Variants in IRAK2 observed in about 807,000 individuals in gnomAD.
IRAK2 encodes interleukin 1 receptor associated kinase 2, also known as interleukin-1 receptor-associated kinase-like 2.
A neutral mutation model predicts 72.0 loss-of-function variants in IRAK2; 57 were observed. The ratio of observed to expected loss-of-function variants is 0.79; its 90% CI spans 0.64 to 0.99. The LOEUF (loss-of-function observed/expected upper bound fraction) is 0.99. IRAK2 is among the 50% of genes least tolerant of loss of function. The pLI, the probability that IRAK2 is intolerant of heterozygous loss-of-function variation, is 0.00. For synonymous variants in IRAK2, 293 were observed against 312.7 expected (o/e 0.94, Z 0.67); for missense variants, 790 against 794.4 (o/e 0.99, Z 0.07).
chr3:10,179,831 A>G (rs534704011), intron 2 of IRAK2, among the ~76,000 whole-genome samples: 1 of 152,234 alleles, frequency 6.6e-6, no homozygotes, highest in South Asian at 2.1e-4. Flanking sequence ...TGGCCTCCCA[A>G]AGTGCTGGGA....
intron 9 of IRAK2, among the ~76,000 whole-genome samples, chr3:10,226,013 T>A (rs1367946237): frequency 6.6e-6 from 1 of 152,212 alleles, no homozygotes; most frequent in African/African-American, 2.4e-5. Context: ...GAAGGATTTT[T>A]AAATGAAACA....
At chr3:10,217,970 A>G (rs973494829) in intron 7 of IRAK2, among the ~76,000 whole-genome samples, 5 of 152,210 alleles carry the variant, frequency 3.3e-5, no homozygotes, top group Non-Finnish European at 7.3e-5. Context: ...TGACACATAG[A>G]GACAAAGTGA....
chr3:10,193,581 C>T (rs1299996556), intron 2 of IRAK2, among the ~76,000 whole-genome samples: 1 of 152,172 alleles, frequency 6.6e-6, no homozygotes, highest in Non-Finnish European at 1.5e-5. Context: ...TATGGTTGCA[C>T]CAGTGCACTC....
intron 6 of IRAK2, 41 bp from the exon 7 acceptor site, chr3:10,216,893 T>G (rs745312099): frequency 6.9e-7 from 1 of 1,451,754 alleles, no homozygotes; most frequent in Non-Finnish European, 9.7e-7. Context: ...GATCATTCTT[T>G]CCGTCTGACT....
At chr3:10,202,496 A>G (rs1697377516) in intron 3 of IRAK2, among the ~76,000 whole-genome samples, 1 of 152,038 alleles carries the variant, frequency 6.6e-6, no homozygotes. Flanking sequence ...GGTGGCGGGT[A>G]CATGTAGTCC....
intron 2 of IRAK2, among the ~76,000 whole-genome samples, chr3:10,181,269 T>C (rs1030985100): frequency 1.3e-5 from 2 of 151,808 alleles, no homozygotes; most frequent in Non-Finnish European, 2.9e-5. Context: ...ACATTCCCCC[T>C]GCGAAAGTTG....
At chr3:10,190,463 T>G (rs569706602) in intron 2 of IRAK2, among the ~76,000 whole-genome samples, 129 of 151,796 alleles carry the variant, frequency 8.5e-4, no homozygotes, top group Non-Finnish European at 1.7e-3. Flanking sequence ...TTCTTAAAGT[T>G]AATTGCTGAG....
At chr3:10,190,604 G>A (rs1054710444) in intron 2 of IRAK2, among the ~76,000 whole-genome samples, 5 of 152,146 alleles carry the variant, frequency 3.3e-5, no homozygotes, top group Admixed American at 2.0e-4. Context: ...ATGCCTCTAA[G>A]CCAGTCCCCA....
Position 10,213,004 on chromosome 3 carries a change from G to A in IRAK2, c.529-203G>A, listed in dbSNP as rs182216254. Among the ~76,000 whole-genome samples the A allele has an allele frequency of 5.4e-3, 823 of 152,044 alleles. 10 individuals carry two copies. Among genetic ancestry groups the A allele is most frequent in the African/African-American group, 0.019 (781 of 41,480 alleles). On this transcript the variant is annotated intron_variant, in intron 4 of 12. Transcript: ENST00000256458. ...AGGATGGTCTTGATCTCCTGACCTC[G>A]TGATCCGCCCGCCTCGGCCTCCCAA...
At chr3:10,190,217 T>C (rs1276992549) in intron 2 of IRAK2, among the ~76,000 whole-genome samples, 1 of 147,942 alleles carries the variant, frequency 6.8e-6, no homozygotes. Context: ...CATTGCCCTA[T>C]CTACTTTTCT....
At position 10,243,292 on chromosome 3, in the gene IRAK2, C is replaced by T. The variant is rs1237163945; in HGVS notation, c.*1064C>T. ...TCGTGATCTGCCCGCCTTGGCCTATCAAAGTGTTGGGATTACAGGCTTGAG... is the reference window on the plus strand; with the variant it reads ...TCGTGATCTGCCCGCCTTGGCCTATTAAAGTGTTGGGATTACAGGCTTGAG... On this transcript the variant is annotated 3_prime_UTR_variant, in exon 13 of 13. Transcript: ENST00000256458. 6.6e-6 allele frequency: 1 copy of T among 152,610 alleles called. No individual in the cohort carries two copies. Among genetic ancestry groups the T allele is most frequent in the African/African-American group, 2.4e-5 (1 of 41,440 alleles). 9.5% of individuals were successfully genotyped at this position (152,610 alleles called of 1,614,324 possible).
chr3:10,179,942 C>T (rs1696936442), intron 2 of IRAK2, among the ~76,000 whole-genome samples: 1 of 152,164 alleles, frequency 6.6e-6, no homozygotes, highest in Non-Finnish European at 1.5e-5. Flanking sequence ...GTAAGTGTAG[C>T]CATGGGATGG....
intron 8 of IRAK2, 106 bp from the exon 9 acceptor site, chr3:10,222,530 C>T: frequency 3.4e-6 from 3 of 880,872 alleles, no homozygotes; most frequent in Non-Finnish European, 5.5e-6. Context: ...GAGACCTCAA[C>T]TTGCAGGAGG....
At chr3:10,203,460 G>A (rs186061492) in intron 3 of IRAK2, among the ~76,000 whole-genome samples, 61 of 152,184 alleles carry the variant, frequency 4.0e-4, no homozygotes, top group Non-Finnish European at 5.0e-4. Context: ...GTCTTCTTTC[G>A]GGAAAACCCC....
intron 2 of IRAK2, among the ~76,000 whole-genome samples, chr3:10,193,629 A>G (rs1269712381): frequency 6.6e-6 from 1 of 152,186 alleles, no homozygotes; most frequent in Non-Finnish European, 1.5e-5. Flanking sequence ...CCTCAAAAAC[A>G]AAAACAAAAA....
At chr3:10,238,345 C>G (rs1467377775) in intron 11 of IRAK2, among the ~76,000 whole-genome samples, 1 of 152,102 alleles carries the variant, frequency 6.6e-6, no homozygotes, top group African/African-American at 2.4e-5. Context: ...TCATTTTCCC[C>G]TACTGTAAAT....
chr3:10,186,888 C>T (rs1210434546), intron 2 of IRAK2, among the ~76,000 whole-genome samples: 1 of 146,378 alleles, frequency 6.8e-6, no homozygotes, highest in Non-Finnish European at 1.5e-5. Context: ...CTGTTTTGAA[C>T]TCTTGTGCTC....
intron 3 of IRAK2, among the ~76,000 whole-genome samples, chr3:10,202,014 C>G (rs1697368073): frequency 1.3e-5 from 2 of 152,186 alleles, no homozygotes; most frequent in Non-Finnish European, 2.9e-5. Context: ...GGTAAGAAAT[C>G]CTGCACCTGA....
intron 5 of IRAK2, 27 bp downstream of exon 5, chr3:10,213,428 G>T (rs200989134): frequency 1.2e-6 from 2 of 1,613,180 alleles, no homozygotes; most frequent in South Asian, 1.1e-5. Flanking sequence ...TTCTAGTGGG[G>T]GTGGAGGCTG....
Sources: allele counts gnomAD v4.1 joint callset (sites outside exome capture counted in the v4.1 genomes callset), GRCh38; gene constraint gnomAD v4.1.1; transcripts MANE v1.5; gene names NCBI Gene and HGNC (gene_info 2026-07-23, HGNC 2026-07-21).